GASK1A: variants seen among roughly 807,000 people sequenced by gnomAD.
The protein encoded by GASK1A is Golgi-associated kinase 1A.
A neutral mutation model predicts 41.2 loss-of-function variants in GASK1A; 40 were observed. That is an observed-to-expected ratio of 0.97 (90% CI 0.75 to 1.27). The LOEUF (loss-of-function observed/expected upper bound fraction) is 1.27. GASK1A is among the 50% of genes most tolerant of loss of function. The probability of loss-of-function intolerance (pLI) is 0.00; values close to 1 mark genes in which losing one functional copy is unlikely to be tolerated. For missense variants in GASK1A, 678 were observed against 745.1 expected (o/e 0.91, Z 1.05); for synonymous variants, 316 against 307.1 (o/e 1.03, Z -0.30).
chr3:42,985,585 GT>G (rs1471996957), intron 1 of GASK1A, among the ~76,000 whole-genome samples: 37 of 147,992 alleles, frequency 2.5e-4, no homozygotes, highest in East Asian at 2.4e-3. Context: ...GTGTGTGTGT[GT>G]GGGCGGAGGC....
chr3:43,028,577 A>C (rs532457699), intron 1 of GASK1A, among the ~76,000 whole-genome samples: 1 of 152,294 alleles, frequency 6.6e-6, no homozygotes, highest in South Asian at 2.1e-4. Context: ...TGGGGGTGGC[A>C]AGTGCAGAGC....
At chr3:43,002,512 T>C (rs2094417854) in intron 1 of GASK1A, among the ~76,000 whole-genome samples, 1 of 152,172 alleles carries the variant, frequency 6.6e-6, no homozygotes, top group African/African-American at 2.4e-5. Flanking sequence ...CTCCTGGGGC[T>C]CCAAGGACCT....
Position 43,033,299 on chromosome 3 carries a change from G to C in GASK1A, c.1036G>C (p.Ala346Pro). ...RVLGLRRSLP[A>P]VARRFHSPLL... ...GCTGGGGCTGCGCCGGAGCCTACCTGCTGTGGCCCGCCGCTTCCATAGCCC... is the reference window on the plus strand; with the variant it reads ...GCTGGGGCTGCGCCGGAGCCTACCTCCTGTGGCCCGCCGCTTCCATAGCCC... The change falls in exon 2 of 5, where the codon GCT becomes CCT. Residue 346 changes from alanine to proline, a missense_variant. Coordinates refer to ENST00000430121, the MANE Select transcript of GASK1A (RefSeq NM_001129908.3). 6.4e-7 allele frequency: 1 copy of C among 1,551,322 alleles called. No homozygotes were observed. Among genetic ancestry groups the C allele is most frequent in the Non-Finnish European group, 8.7e-7 (1 of 1,146,898 alleles).
chr3:43,051,922 C>A (rs570918863), intron 2 of GASK1A, among the ~76,000 whole-genome samples: 4 of 152,312 alleles, frequency 2.6e-5, no homozygotes, highest in Non-Finnish European at 5.9e-5. Context: ...CTAATTCAGA[C>A]TAGCCCTTCT....
chr3:42,981,925 T>C (rs779612131), intron 1 of GASK1A, among the ~76,000 whole-genome samples: 17 of 152,230 alleles, frequency 1.1e-4, no homozygotes, highest in Non-Finnish European at 2.2e-4. Context: ...GCCCAGCTTG[T>C]TTGAATACGG....
At chr3:43,014,004 T>C (rs2089477305) in intron 1 of GASK1A, among the ~76,000 whole-genome samples, 1 of 135,794 alleles carries the variant, frequency 7.4e-6, no homozygotes, top group African/African-American at 2.8e-5. Flanking sequence ...AGAATGGGGC[T>C]TTGAAAAGCG....
chr3:43,005,066 G>A (rs1375114288), intron 1 of GASK1A, among the ~76,000 whole-genome samples: 1 of 151,542 alleles, frequency 6.6e-6, no homozygotes, highest in African/African-American at 2.4e-5. Context: ...CACTGACTCT[G>A]ATTCCCTCTG....
intron 1 of GASK1A, among the ~76,000 whole-genome samples, chr3:42,988,521 A>G (rs2089323997): frequency 1.3e-5 from 2 of 152,212 alleles, no homozygotes; most frequent in African/African-American, 4.8e-5. Context: ...AAACGAGAAG[A>G]GTCAGACCCA....
intron 1 of GASK1A, among the ~76,000 whole-genome samples, chr3:42,985,823 A>G (rs2089306309): frequency 6.6e-6 from 1 of 152,214 alleles, no homozygotes; most frequent in South Asian, 2.1e-4. Flanking sequence ...ATAGTTAAAA[A>G]GTGAAGCAAA....
rs2089580448 is a variant in GASK1A, at chr3:43,032,387, C to G, written c.124C>G (p.Pro42Ala). 1 of 1,551,664 alleles carries G rather than the reference C, an allele frequency of 6.4e-7. No individual in the cohort carries two copies. The highest frequency in any genetic ancestry group is 1.2e-5 in the South Asian group (1 of 84,058). The stretch of plus-strand genomic sequence containing the variant: ...TCCCCCACAGCGTCCATCCGCCGGC[C>G]CAGACCCTGGTCCCATGGAGCCTCA... ...RFPPQRPSAG[P>A]DPGPMEPQGV... Residue 42 changes from proline (P) to alanine (A), a missense_variant, in exon 2 of 5, where the codon CCA becomes GCA. Pro to Ala is a conservative substitution (Grantham distance 27). Coordinates refer to ENST00000430121, the MANE Select transcript of GASK1A (RefSeq NM_001129908.3).
rs555121885 is a variant in GASK1A, at chr3:43,052,622, TC to T, written c.1291-897del. On this transcript the variant is annotated intron_variant, in intron 2 of 4. Coordinates refer to ENST00000430121, the MANE Select transcript of GASK1A (RefSeq NM_001129908.3). ...GCCCTCGCTTCATCTTTCATCCACT[TC>T]CTAGCATCTCCCAAACCTTCTCCAA... 3.3e-3 allele frequency among the ~76,000 whole-genome samples: 507 copies of T among 152,232 alleles called. 2 individuals carry two copies. Among genetic ancestry groups the T allele is most frequent in the Non-Finnish European group, 4.5e-3 (307 of 67,980 alleles).
intron 1 of GASK1A, among the ~76,000 whole-genome samples, chr3:43,005,869 A>G (rs1007647842): frequency 6.6e-6 from 1 of 152,202 alleles, no homozygotes; most frequent in African/African-American, 2.4e-5. Flanking sequence ...AAAGGCATTC[A>G]ATTTGTGGGT....
At chr3:43,033,929 A>G (rs530127696) in intron 2 of GASK1A, among the ~76,000 whole-genome samples, 33 of 152,322 alleles carry the variant, frequency 2.2e-4, no homozygotes, top group Middle Eastern at 3.4e-3. Context: ...CTTCGTGACT[A>G]TATAATAAAT....
intron 2 of GASK1A, among the ~76,000 whole-genome samples, chr3:43,050,009 CA>C: frequency 7.0e-6 from 1 of 143,168 alleles, no homozygotes; most frequent in African/African-American, 2.5e-5. Flanking sequence ...TTATTGCTTT[CA>C]GCAGTTTTTT....
intron 1 of GASK1A, among the ~76,000 whole-genome samples, chr3:43,018,804 GC>G (rs1249567666): frequency 6.6e-6 from 1 of 152,134 alleles, no homozygotes; most frequent in Admixed American, 6.5e-5. Context: ...GAACAGATAA[GC>G]CCCCTTTGAG....
rs1268487899 is a variant in GASK1A, at chr3:43,040,973, T to A, written c.1290+7420T>A. Among the ~76,000 whole-genome samples, 4 of 150,204 alleles carry A rather than the reference T, an allele frequency of 2.7e-5. No homozygotes were observed. The East Asian group carries it at 7.8e-4, about 29-fold the overall frequency. On this transcript the variant is annotated intron_variant, in intron 2 of 4. Transcript: ENST00000430121. ...CCCACCTATGAGTGAGAATATGCGG[T>A]GTTTGGTTTTTTGTTCTTGCGATAG...
At chr3:43,022,321 C>A (rs192946145) in intron 1 of GASK1A, among the ~76,000 whole-genome samples, 1 of 152,314 alleles carries the variant, frequency 6.6e-6, no homozygotes, top group Non-Finnish European at 1.5e-5. Flanking sequence ...CTCTGCACAA[C>A]TGCACAACTG....
intron 1 of GASK1A, among the ~76,000 whole-genome samples, chr3:42,985,193 C>T (rs186996173): frequency 1.2e-3 from 186 of 152,176 alleles, no homozygotes; most frequent in Non-Finnish European, 2.4e-3. Flanking sequence ...TTCTCTTTGT[C>T]TTAGAAAAAT....
intron 1 of GASK1A, among the ~76,000 whole-genome samples, chr3:43,013,150 GGAA>G: frequency 6.7e-6 from 1 of 149,620 alleles, no homozygotes; most frequent in Non-Finnish European, 1.5e-5. Flanking sequence ...TGAAGTCACA[GGAA>G]GGGGCAGTAT....
Sources: allele counts gnomAD v4.1 joint callset (sites outside exome capture counted in the v4.1 genomes callset), GRCh38; gene constraint gnomAD v4.1.1; transcripts MANE v1.5; gene names NCBI Gene and HGNC (gene_info 2026-07-23, HGNC 2026-07-21).